NTN1: variants seen among roughly 807,000 people sequenced by gnomAD.
The protein encoded by NTN1 is netrin 1, also known as netrin-1.
In NTN1, 11 loss-of-function variants were observed where a neutral mutation model predicts 54.2. That is an observed-to-expected ratio of 0.20 (90% confidence interval 0.13 to 0.34). The LOEUF (loss-of-function observed/expected upper bound fraction) is 0.34, where lower values mean the gene tolerates loss of function less well. NTN1 is among the 10% of genes least tolerant of loss of function. The pLI is 1.00. For missense variants in NTN1, 740 were observed against 893.1 expected (o/e 0.83, Z 2.18); for synonymous variants, 371 against 382.0 (o/e 0.97, Z 0.33).
intron 2 of NTN1, among the ~76,000 whole-genome samples, chr17:9,067,325 CT>C (rs2142212517): frequency 6.6e-6 from 1 of 151,508 alleles, no homozygotes; most frequent in South Asian, 2.1e-4. Context: ...TCTCCTAAGG[CT>C]ATTAAATACA....
intron 2 of NTN1, among the ~76,000 whole-genome samples, chr17:9,117,601 A>T (rs903957932): frequency 6.6e-6 from 1 of 151,932 alleles, no homozygotes; most frequent in Admixed American, 6.5e-5. Context: ...AAAATTAGCC[A>T]GGTGTGGTGG....
intron 2 of NTN1, among the ~76,000 whole-genome samples, chr17:9,080,519 C>T (rs2092067207): frequency 6.6e-6 from 1 of 152,142 alleles, no homozygotes; most frequent in Non-Finnish European, 1.5e-5. Context: ...GGTCTTGGTC[C>T]CTGTTTCTTG....
At chr17:9,021,198 G>T (rs994387011), upstream of NTN1, among the ~76,000 whole-genome samples, 1 of 151,886 alleles carries the variant, frequency 6.6e-6, no homozygotes, top group Admixed American at 6.6e-5. Flanking sequence ...GGCGCGGGGC[G>T]CGGGCGAGGC....
chr17:9,117,233 T>A (rs55776356), intron 2 of NTN1, among the ~76,000 whole-genome samples: 40,712 of 151,882 alleles, frequency 0.27, 6,009 homozygotes, highest in African/African-American at 0.4. Context: ...CAGATTGGCA[T>A]TGGCAGCCAG....
chr17:9,202,076 A>C (rs1470844564), intron 5 of NTN1, among the ~76,000 whole-genome samples: 40 of 143,682 alleles, frequency 2.8e-4, no homozygotes, highest in African/African-American at 2.4e-4. Flanking sequence ...AAAAAAAAAA[A>C]AAAAAAAAAA....
At position 9,240,143 on chromosome 17, in the gene NTN1, C is replaced by T. The variant is rs1005130896; in HGVS notation, c.*175C>T. The T allele has an allele frequency of 2.8e-5, 7 of 252,576 alleles. 1 individual carries two copies. The highest frequency in any genetic ancestry group is 1.7e-4 in the East Asian group (1 of 5,992). The allele number at this position is 252,576 out of a possible 1,614,324, so 15.6% of individuals were successfully genotyped here. ...GACCCTCGGCGGCCCCTCCCCCTAC[C>T]CCCACCCTGCGCGCTCTGGGCGGGA... is the stretch of plus-strand genomic sequence containing the variant. On this transcript the variant is annotated 3_prime_UTR_variant, in exon 7 of 7. Coordinates refer to ENST00000173229, the MANE Select transcript of NTN1 (RefSeq NM_004822.3).
chr17:9,133,146 T>C (rs1236496141), intron 2 of NTN1, among the ~76,000 whole-genome samples: 4 of 152,106 alleles, frequency 2.6e-5, no homozygotes, highest in African/African-American at 9.7e-5. Context: ...ATCTAGTCCT[T>C]CTCCTTTCCC....
upstream of NTN1, among the ~76,000 whole-genome samples, chr17:9,019,944 G>A (rs538669542): frequency 2.0e-5 from 3 of 152,306 alleles, no homozygotes; most frequent in East Asian, 5.8e-4. Context: ...GGCACAAGAA[G>A]GCACAGCTAA....
intron 2 of NTN1, among the ~76,000 whole-genome samples, chr17:9,024,937 T>C (rs888810964): frequency 5.9e-5 from 9 of 152,206 alleles, no homozygotes; most frequent in African/African-American, 2.2e-4. Flanking sequence ...CTCGGAAATG[T>C]TGGTTTTTCC....
At chr17:9,145,537 G>A (rs957876676) in intron 2 of NTN1, among the ~76,000 whole-genome samples, 1 of 152,326 alleles carries the variant, frequency 6.6e-6, no homozygotes, top group Non-Finnish European at 1.5e-5. Context: ...TCCAGTCCCT[G>A]TCACTCCTGT....
intron 6 of NTN1, among the ~76,000 whole-genome samples, chr17:9,228,023 G>A (rs549456321): frequency 3.3e-5 from 5 of 152,180 alleles, no homozygotes; most frequent in Non-Finnish European, 7.3e-5. Flanking sequence ...AGCACCTGCT[G>A]TGGGCCCCAT....
chr17:9,240,038 C>T lies in NTN1; in HGVS notation c.*70C>T, dbSNP rs969763725. On this transcript the variant is annotated 3_prime_UTR_variant, in exon 7 of 7. Transcript: ENST00000173229. Reference sequence around the variant, plus strand: ...CCGAGCGAGAGCGGGCGCCTTGGCCCGGCCGCCGCGGACTTGGCCCGCGAG... The same window carrying T: ...CCGAGCGAGAGCGGGCGCCTTGGCCTGGCCGCCGCGGACTTGGCCCGCGAG... 5.7e-5 allele frequency: 53 copies of T among 937,642 alleles called. No individual in the cohort carries two copies. Among genetic ancestry groups the T allele is most frequent in the East Asian group, 1.6e-4 (3 of 19,312 alleles). 58.1% of individuals were successfully genotyped at this position (937,642 alleles called of 1,614,324 possible).
chr17:9,127,241 A>C (rs2092250595), intron 2 of NTN1, among the ~76,000 whole-genome samples: 1 of 152,068 alleles, frequency 6.6e-6, no homozygotes, highest in East Asian at 1.9e-4. Flanking sequence ...AGGCCTTGGA[A>C]GTTTTCAGGT....
intron 2 of NTN1, among the ~76,000 whole-genome samples, chr17:9,127,072 G>T (rs1242196429): frequency 2.3e-5 from 1 of 43,334 alleles, no homozygotes. Context: ...TGGTAGGGCC[G>T]GGGGGGGGCA....
chr17:9,232,205 C>G (rs1905838543), intron 6 of NTN1, among the ~76,000 whole-genome samples: 1 of 152,202 alleles, frequency 6.6e-6, no homozygotes, highest in Non-Finnish European at 1.5e-5. Context: ...CGGCTTCCTC[C>G]TTGGGCAGCA....
intron 2 of NTN1, among the ~76,000 whole-genome samples, chr17:9,037,873 G>A (rs1284920489): frequency 6.6e-6 from 1 of 152,166 alleles, no homozygotes; most frequent in East Asian, 1.9e-4. Context: ...GTAACTGCCT[G>A]TGTGTTAGTT....
chr17:9,093,597 T>G (rs909877123), intron 2 of NTN1, among the ~76,000 whole-genome samples: 1 of 152,224 alleles, frequency 6.6e-6, no homozygotes, highest in Non-Finnish European at 1.5e-5. Flanking sequence ...TGGGCTCAAG[T>G]GGTCCTCCTG....
At chr17:9,157,704 G>A (rs2092347007) in intron 2 of NTN1, among the ~76,000 whole-genome samples, 1 of 152,214 alleles carries the variant, frequency 6.6e-6, no homozygotes, top group African/African-American at 2.4e-5. Flanking sequence ...GTGGGTGTCT[G>A]GGGTACCCCT....
chr17:9,138,590 T>C (rs1480580512), intron 2 of NTN1, among the ~76,000 whole-genome samples: 1 of 152,158 alleles, frequency 6.6e-6, no homozygotes, highest in East Asian at 1.9e-4. Flanking sequence ...GGCTCTGGCA[T>C]CTCCTTGTCC....
Sources: allele counts gnomAD v4.1 joint callset (sites outside exome capture counted in the v4.1 genomes callset), GRCh38; gene constraint gnomAD v4.1.1; transcripts MANE v1.5; gene names NCBI Gene and HGNC (gene_info 2026-07-23, HGNC 2026-07-21).